JAG1: variants seen among roughly 807,000 people sequenced by gnomAD.
The protein encoded by JAG1 is protein jagged-1.
A neutral mutation model predicts 148.7 loss-of-function variants in JAG1; 23 were observed. The observed-to-expected ratio is 0.15, with a 90% CI of 0.11 to 0.22. The LOEUF (loss-of-function observed/expected upper bound fraction) is 0.22, where lower values mean the gene tolerates loss of function less well. Among genes scored for constraint, JAG1 ranks in the 10% least tolerant of loss-of-function variants. The pLI, the probability that JAG1 is intolerant of heterozygous loss-of-function variation, is 1.00. For missense variants in JAG1, 1,054 were observed against 1,611.2 expected, an observed-to-expected ratio of 0.65 and a Z score of 5.92; for synonymous variants, 572 against 598.3, an observed-to-expected ratio of 0.96 and a Z score of 0.64.
rs200357843 is a variant in JAG1, at chr20:10,645,094, G to A, written c.2227+49C>T. On this transcript the variant is annotated intron_variant, in intron 17 of 25. Coordinates refer to ENST00000254958, the MANE Select transcript of JAG1 (RefSeq NM_000214.3). This position sits in a 1 kb window ranked among gnomAD's most constrained non-coding sequence, Gnocchi z 6.1. ...GCTCCAGGGGCCAACCAGCAGACAC[G>A]CCCAGGTGGCCATGCCCACTGCAGA... 119 of 1,528,510 alleles carry A rather than the reference G, an allele frequency of 7.8e-5. No homozygotes were observed. The East Asian group carries it at 1.8e-3, about 24-fold the overall frequency. 94.7% of individuals were successfully genotyped at this position (1,528,510 alleles called of 1,614,324 possible).
rs1356351523 is a variant in JAG1, at chr20:10,639,974, ACCAATTAACTCT to A, written c.3200-31_3200-20del. On this transcript the variant is annotated intron_variant, in intron 25 of 25. Transcript: ENST00000254958. ...AGGAAATCTGTAAGGCAGGCACAAAACCAATTAACTCTCCAAGAAAGAAAGAAAAAAGCATCA... is the reference window on the plus strand; with the variant it reads ...AGGAAATCTGTAAGGCAGGCACAAAACCAAGAAAGAAAGAAAAAAGCATCA... 1 of 1,569,150 alleles carries A rather than the reference ACCAATTAACTCT, an allele frequency of 6.4e-7. No individual in the cohort carries two copies. Among genetic ancestry groups the A allele is most frequent in the African/African-American group, 1.4e-5 (1 of 74,024 alleles).
At position 10,668,116 on chromosome 20, in the gene JAG1, A is replaced by C. The variant is rs909062189; in HGVS notation, c.388-4102T>G. On this transcript the variant is annotated intron_variant, in intron 2 of 25. Transcript: ENST00000254958. ...ATAAAAAAAAAAAAAAAAAAAAAAA[A>C]CAGCAGTCACAGGGCTGCTGTGGTC... Among the ~76,000 whole-genome samples the C allele has an allele frequency of 2.3e-4, 31 of 135,754 alleles. 1 individual carries two copies. The Middle Eastern group carries it at 0.019, about 85-fold the overall frequency. 89.1% of individuals were successfully genotyped at this position (135,754 alleles called of 152,430 possible).
Position 10,673,477 on chromosome 20 carries a change from G to A in JAG1, c.54C>T (p.Leu18=), listed in dbSNP as rs773297685. The change falls in exon 1 of 26, where the codon CTC becomes CTT. Residue 18 remains leucine (L), a synonymous_variant. Transcript: ENST00000254958. The surrounding 1 kb of genome is among the most constrained non-coding windows in gnomAD (Gnocchi z 4.7). ...GRSGRPLSLL[L]ALLCALRAKV... is the part of the protein sequence containing the mutation. ...TGGCTCGCAGGGCACAGAGCAGGGC[G>A]AGCAGGAGGCTTAGGGGGCGCCCGG... is the stretch of plus-strand genomic sequence containing the variant. The A allele has an allele frequency of 3.7e-6, 5 of 1,369,732 alleles. No homozygotes were observed. Among genetic ancestry groups the A allele is most frequent in the South Asian group, 3.7e-5 (2 of 53,882 alleles). The allele number at this position is 1,369,732 out of a possible 1,614,324, so 84.8% of individuals were successfully genotyped here. A position where few individuals can be genotyped will look rare whatever the true frequency, so the allele number is the denominator to read the frequency against.
intron 2 of JAG1, among the ~76,000 whole-genome samples, chr20:10,664,652 G>A (rs2067441134): frequency 6.6e-6 from 1 of 152,170 alleles, no homozygotes; most frequent in Admixed American, 6.5e-5. Context: ...CCTCACTTGG[G>A]CGGTGGAGTT....
intron 12 of JAG1, 127 bp from the exon 13 acceptor site, chr20:10,648,237 G>A: frequency 9.1e-7 from 1 of 1,094,708 alleles, no homozygotes; most frequent in South Asian, 1.3e-5. Flanking sequence ...GAGACACCCT[G>A]TAAGATACAT....
intron 3 of JAG1, among the ~76,000 whole-genome samples, chr20:10,663,088 C>CA (rs3833514): frequency 0.34 from 51,700 of 150,716 alleles, 9,133 homozygotes; most frequent in East Asian, 0.44. Context: ...TGAAAGCAAA[C>CA]AAAAAAAAAT....
At position 10,639,667 on chromosome 20, in the gene JAG1, T is replaced by C; in HGVS notation, c.3488A>G (p.Lys1163Arg). Residue 1163 changes from lysine to arginine, a missense_variant, in exon 26 of 26, where the codon AAA (lysine) becomes AGA (arginine). Physicochemically the swap from Lys to Arg is conservative, Grantham distance 26. This residue lies in a region of JAG1 where 177 missense variants were observed against 177.3 expected (regional missense o/e 1.00). Coordinates refer to ENST00000254958, the MANE Select transcript of JAG1 (RefSeq NM_000214.3). ...GGCAAACCGGGCTTTCTGCTGGTGT[T>C]TGTCCATGTCGTCCTCTTCTACTTC... ...NSEVEEDDMD[K>R]HQQKARFAKQ... 6.2e-7 allele frequency: 1 copy of C among 1,614,242 alleles called. No individual in the cohort carries two copies. Among genetic ancestry groups the C allele is most frequent in the Non-Finnish European group, 8.5e-7 (1 of 1,180,042 alleles).
intron 3 of JAG1, among the ~76,000 whole-genome samples, chr20:10,662,729 T>C (rs1391776018): frequency 6.6e-6 from 1 of 152,014 alleles, no homozygotes; most frequent in Non-Finnish European, 1.5e-5. Flanking sequence ...CTGACAGAGC[T>C]TCCCTGCCAC....
intron 3 of JAG1, among the ~76,000 whole-genome samples, chr20:10,660,872 T>C (rs1311318112): frequency 6.6e-6 from 1 of 152,056 alleles, no homozygotes; most frequent in Non-Finnish European, 1.5e-5. Context: ...GCCACGAAGA[T>C]GAGTCACGAA....
chr20:10,662,751 C>T (rs1056891287), intron 3 of JAG1, among the ~76,000 whole-genome samples: 1 of 152,034 alleles, frequency 6.6e-6, no homozygotes, highest in African/African-American at 2.4e-5. Context: ...CCCACACACA[C>T]CCCCCCACGG....
At chr20:10,650,106 G>C in intron 9 of JAG1, 141 bp downstream of exon 9, 2 of 704,842 alleles carry the variant, frequency 2.8e-6, no homozygotes, top group Non-Finnish European at 5.2e-6. Context: ...TCCCAGGCCT[G>C]CTAGACTCTT....
chr20:10,665,687 T>A (rs2067449134), intron 2 of JAG1, among the ~76,000 whole-genome samples: 1 of 152,180 alleles, frequency 6.6e-6, no homozygotes. Context: ...GCCCACGTCC[T>A]CCACTTCAAC....
Position 10,664,705 on chromosome 20 carries a change from C to T in JAG1, c.388-691G>A, listed in dbSNP as rs542039896. Reference sequence around the variant, plus strand: ...AAGAAAGTACAAAGGGAGAAACAACCGCACACCCATGGGTTATATTTATTG... The same window carrying T: ...AAGAAAGTACAAAGGGAGAAACAACTGCACACCCATGGGTTATATTTATTG... On this transcript the variant is annotated intron_variant, in intron 2 of 25. Coordinates refer to ENST00000254958, the MANE Select transcript of JAG1 (RefSeq NM_000214.3). 3.9e-5 allele frequency among the ~76,000 whole-genome samples: 6 copies of T among 152,194 alleles called. No individual in the cohort carries two copies. In the East Asian group the frequency reaches 9.7e-4, roughly 25 times the overall value.
chr20:10,644,970 C>T lies in JAG1; in HGVS notation c.2237G>A (p.Ser746Asn), dbSNP rs2122602515. The T allele has an allele frequency of 1.2e-6, 2 of 1,613,256 alleles. No individual in the cohort carries two copies. Among genetic ancestry groups the T allele is most frequent in the Non-Finnish European group, 1.7e-6 (2 of 1,179,546 alleles). The part of the protein sequence containing the change: ...EGTTCNIARN[S>N]SCLPNPCHNG... ...ATGGCAGGGGTTGGGCAGGCAGCTACTGTTTCGGGCTATAAAAGAAGAGCA... is the reference window on the plus strand; with the variant it reads ...ATGGCAGGGGTTGGGCAGGCAGCTATTGTTTCGGGCTATAAAAGAAGAGCA... Residue 746 changes from serine to asparagine, a missense_variant, in exon 18 of 26, where the codon AGT (serine) becomes AAT (asparagine). By Grantham distance (46) the Ser-to-Asn change is conservative. Around this residue, in one of 6 missense-constraint regions of JAG1, gnomAD observed 342 missense variants for 514.6 expected, o/e 0.66. Coordinates refer to ENST00000254958, the MANE Select transcript of JAG1 (RefSeq NM_000214.3).
At chr20:10,655,859 A>G (rs1262716075) in intron 5 of JAG1, among the ~76,000 whole-genome samples, 1 of 152,194 alleles carries the variant, frequency 6.6e-6, no homozygotes, top group African/African-American at 2.4e-5. Context: ...ACTTCAAAGG[A>G]CTGCAGCAAA....
intron 2 of JAG1, among the ~76,000 whole-genome samples, chr20:10,668,192 C>T (rs918869785): frequency 6.6e-6 from 1 of 151,754 alleles, no homozygotes; most frequent in Non-Finnish European, 1.5e-5. Flanking sequence ...CCACCCAGTG[C>T]CATGCACCAA....
intron 13 of JAG1, among the ~76,000 whole-genome samples, chr20:10,647,611 C>G (rs957147984): frequency 1.3e-5 from 2 of 152,214 alleles, no homozygotes; most frequent in Admixed American, 1.3e-4. Flanking sequence ...CATACCTGAC[C>G]GTGCAGATAC....
intron 2 of JAG1, among the ~76,000 whole-genome samples, chr20:10,668,567 T>C (rs900642499): frequency 5.1e-4 from 77 of 152,194 alleles, no homozygotes; most frequent in African/African-American, 1.8e-3. Context: ...CTTCTGGCCC[T>C]TCTACAATGG....
chr20:10,669,777 C>A (rs1389123667), intron 2 of JAG1, among the ~76,000 whole-genome samples: 4 of 151,996 alleles, frequency 2.6e-5, no homozygotes, highest in Non-Finnish European at 5.9e-5. Flanking sequence ...GTGGTAATTA[C>A]ACTAATGTAT....
Sources: allele counts gnomAD v4.1 joint callset (sites outside exome capture counted in the v4.1 genomes callset), GRCh38; gene constraint gnomAD v4.1.1; regional missense constraint gnomAD v4.1.1; non-coding constraint Gnocchi (gnomAD v3.1); transcripts MANE v1.5; gene names NCBI Gene and HGNC (gene_info 2026-07-23, HGNC 2026-07-21).